Variants in VAV2 observed in about 807,000 individuals in gnomAD.
VAV2 encodes the protein vav guanine nucleotide exchange factor 2, also known as guanine nucleotide exchange factor VAV2.
Under a neutral mutation model 132.5 loss-of-function variants are expected in VAV2, and 67 were observed. The observed-to-expected ratio is 0.51, with a 90% CI of 0.42 to 0.62. The LOEUF (loss-of-function observed/expected upper bound fraction) is 0.62. VAV2 is among the 20% of genes least tolerant of loss of function. The pLI is 0.00. For synonymous variants in VAV2, 492 were observed against 443.5 expected, an observed-to-expected ratio of 1.11 and a Z score of -1.37; for missense variants, 938 against 1,153.6, an observed-to-expected ratio of 0.81 and a Z score of 2.71.
At chr9:133,915,265 C>T (rs1281033422) in intron 2 of VAV2, among the ~76,000 whole-genome samples, 2 of 152,198 alleles carry the variant, frequency 1.3e-5, no homozygotes, top group East Asian at 1.9e-4. Flanking sequence ...CCCACACCAC[C>T]GTCCCGCCCT....
At chr9:133,886,577 C>T (rs78975470) in intron 2 of VAV2, among the ~76,000 whole-genome samples, 1 of 152,210 alleles carries the variant, frequency 6.6e-6, no homozygotes, top group Non-Finnish European at 1.5e-5. Flanking sequence ...CGTGTTTGCG[C>T]CTGTGTCTGG....
intron 3 of VAV2, among the ~76,000 whole-genome samples, chr9:133,860,822 G>A (rs1837565484): frequency 1.3e-5 from 2 of 152,168 alleles, no homozygotes. Context: ...AGACGCCCAA[G>A]TGCCCCATCC....
At chr9:133,869,066 C>T (rs1588290998) in intron 2 of VAV2, among the ~76,000 whole-genome samples, 1 of 151,828 alleles carries the variant, frequency 6.6e-6, no homozygotes, top group Non-Finnish European at 1.5e-5. Context: ...GCACCATCTC[C>T]GCCCGCTGCA....
At chr9:133,798,335 G>C (rs1010588014) in intron 9 of VAV2, among the ~76,000 whole-genome samples, 1 of 152,306 alleles carries the variant, frequency 6.6e-6, no homozygotes, top group Admixed American at 6.5e-5. Flanking sequence ...GACAACAGCA[G>C]TGACAGCCCC....
In VAV2 at chr9:133,883,412, G is replaced by A. The variant is rs7032354; in HGVS notation, c.322-21980C>T. On this transcript the variant is annotated intron_variant, in intron 2 of 29. Coordinates refer to ENST00000371850, the MANE Select transcript of VAV2 (RefSeq NM_001134398.2). This position sits in a 1 kb window ranked among gnomAD's most constrained non-coding sequence, Gnocchi z 4.2. ...CACAGTGGGCAGTCAGGGCCAGGGA[G>A]AGGAACAGAGCCGAGTCAGCTGCTG... Among the ~76,000 whole-genome samples the A allele has an allele frequency of 5.3e-3, 803 of 152,328 alleles. 7 individuals carry two copies. Among genetic ancestry groups the A allele is most frequent in the African/African-American group, 0.018 (761 of 41,554 alleles).
chr9:133,868,089 T>C (rs1837878196), intron 2 of VAV2, among the ~76,000 whole-genome samples: 1 of 152,238 alleles, frequency 6.6e-6, no homozygotes, highest in African/African-American at 2.4e-5. Context: ...AACTGTCTTG[T>C]TCCATGTTTA....
In VAV2 at chr9:133,794,707, G is replaced by A. The variant is rs777310550; in HGVS notation, c.1101+961C>T. ...TGTGCTCCCGACGAGGGAGATGTGG[G>A]GGGGGTCGTCATCCCTCCACCCAGA... On this transcript the variant is annotated intron_variant, in intron 12 of 29. Coordinates refer to ENST00000371850, the MANE Select transcript of VAV2 (RefSeq NM_001134398.2). The surrounding 1 kb of genome is among the most constrained non-coding windows in gnomAD (Gnocchi z 4.6). 1.3e-5 allele frequency among the ~76,000 whole-genome samples: 2 copies of A among 152,186 alleles called. No homozygotes were observed. Among genetic ancestry groups the A allele is most frequent in the Admixed American group, 1.3e-4 (2 of 15,288 alleles).
chr9:133,890,056 A>G (rs532075372), intron 2 of VAV2, among the ~76,000 whole-genome samples: 5 of 152,290 alleles, frequency 3.3e-5, no homozygotes, highest in Non-Finnish European at 5.9e-5. Flanking sequence ...CCGGGAGGCT[A>G]TGGTGCCAGG....
At chr9:133,776,136 G>T in intron 23 of VAV2, 56 bp from the exon 24 acceptor site, 1 of 1,594,146 alleles carries the variant, frequency 6.3e-7, no homozygotes, top group Non-Finnish European at 8.6e-7. Context: ...ACAGAGCAGG[G>T]CTCAGAGGGG....
In VAV2 at chr9:133,802,295, T is replaced by C. The variant is rs1459668435; in HGVS notation, c.836+3786A>G. Among the ~76,000 whole-genome samples, 1 of 148,914 alleles carries C rather than the reference T, an allele frequency of 6.7e-6. No homozygotes were observed. The highest frequency in any genetic ancestry group is 2.5e-5 in the African/African-American group (1 of 40,150). On this transcript the variant is annotated intron_variant, in intron 9 of 29. Coordinates refer to ENST00000371850, the MANE Select transcript of VAV2 (RefSeq NM_001134398.2). This position sits in a 1 kb window ranked among gnomAD's most constrained non-coding sequence, Gnocchi z 5.8. The stretch of plus-strand genomic sequence containing the variant: ...ATGTATGCACACACACACACATGCA[T>C]GTGCACACAAACACACAAGCACGCG...
chr9:133,813,540 G>A (rs1014555572), intron 4 of VAV2, among the ~76,000 whole-genome samples: 1 of 152,248 alleles, frequency 6.6e-6, no homozygotes, highest in Non-Finnish European at 1.5e-5. Context: ...TGGAGGACAC[G>A]CTGCAATGCA....
At chr9:133,908,913 T>C (rs1291748685) in intron 2 of VAV2, among the ~76,000 whole-genome samples, 1 of 152,214 alleles carries the variant, frequency 6.6e-6, no homozygotes, top group Non-Finnish European at 1.5e-5. Context: ...GTGGGCCCAG[T>C]GGGCATGCAG....
intron 4 of VAV2, 83 bp from the exon 5 acceptor site, chr9:133,812,299 G>C: frequency 7.2e-7 from 1 of 1,396,526 alleles, no homozygotes; most frequent in African/African-American, 1.4e-5. Flanking sequence ...GGGTCCACGA[G>C]GGACGCAGGC....
chr9:133,786,504 CA>C, intron 16 of VAV2, among the ~76,000 whole-genome samples: 1 of 152,226 alleles, frequency 6.6e-6, no homozygotes, highest in East Asian at 1.9e-4. Flanking sequence ...GGCAGGATCC[CA>C]GGAAGGATGA....
intron 21 of VAV2, 79 bp from the exon 22 acceptor site, chr9:133,778,968 C>A (rs368420968): frequency 1.3e-6 from 2 of 1,564,576 alleles, no homozygotes; most frequent in African/African-American, 1.3e-5. Context: ...GCAGCCCACC[C>A]CATCACCAAG....
rs1251793242 is a variant in VAV2 at position 133,863,466 on chromosome 9, G to A, written c.322-2034C>T. On this transcript the variant is annotated intron_variant, in intron 2 of 29. Transcript: ENST00000371850. The surrounding 1 kb of genome is among the most constrained non-coding windows in gnomAD (Gnocchi z 5.0). ...CAGATGGAACCGGAGACAGAGAGGA[G>A]GCGTGGCGGGCGAGCCAGCCAAGGC... Among the ~76,000 whole-genome samples, 1 of 152,228 alleles carries A rather than the reference G, an allele frequency of 6.6e-6. No individual in the cohort carries two copies. Among genetic ancestry groups the A allele is most frequent in the Non-Finnish European group, 1.5e-5 (1 of 68,030 alleles).
At chr9:133,930,592 G>A (rs553241505) in intron 2 of VAV2, among the ~76,000 whole-genome samples, 5 of 152,374 alleles carry the variant, frequency 3.3e-5, no homozygotes, top group South Asian at 4.1e-4. Flanking sequence ...AGATAAAAAC[G>A]GGGCCCCTGT....
intron 9 of VAV2, among the ~76,000 whole-genome samples, chr9:133,801,114 A>T (rs1032586220): frequency 6.6e-6 from 1 of 152,162 alleles, no homozygotes; most frequent in African/African-American, 2.4e-5. Context: ...AGGCACTCAC[A>T]CACGGCTGTG....
intron 2 of VAV2, among the ~76,000 whole-genome samples, chr9:133,938,425 C>T (rs528892667): frequency 6.6e-5 from 10 of 152,182 alleles, no homozygotes; most frequent in Non-Finnish European, 1.5e-4. Context: ...CCAGGCTCAC[C>T]AGGAGGCCAC....
Sources: gnomAD v4.1 joint callset for allele counts (sites outside exome capture counted in the v4.1 genomes callset) on GRCh38, gnomAD v4.1.1 for gene constraint, Gnocchi (gnomAD v3.1) non-coding constraint, MANE v1.5 for transcripts, NCBI Gene and HGNC (gene_info 2026-07-23, HGNC 2026-07-21) for gene names.